COP1: variants seen among roughly 807,000 people sequenced by gnomAD.
COP1 encodes E3 ubiquitin-protein ligase COP1.
Under a neutral mutation model 101.3 loss-of-function variants are expected in COP1, and 24 were observed. The observed-to-expected ratio is 0.24, with a 90% CI of 0.17 to 0.33. COP1 has a LOEUF of 0.33. Among genes scored for constraint, COP1 ranks in the 10% least tolerant of loss-of-function variants. The pLI is 1.00. For missense variants in COP1, 663 were observed against 906.2 expected (o/e 0.73, Z 3.45); for synonymous variants, 347 against 341.9 (o/e 1.01, Z -0.17).
At chr1:176,008,029 C>A (rs562836083) in intron 15 of COP1, among the ~76,000 whole-genome samples, 1 of 152,122 alleles carries the variant, frequency 6.6e-6, no homozygotes, top group Non-Finnish European at 1.5e-5. Flanking sequence ...GAGCCAGGTG[C>A]GGGATATAAT....
intron 14 of COP1, among the ~76,000 whole-genome samples, chr1:176,031,858 C>T (rs1320742090): frequency 6.6e-6 from 1 of 152,156 alleles, no homozygotes; most frequent in East Asian, 1.9e-4. Context: ...AGTATATCAT[C>T]TAATAATCTG....
intron 1 of COP1, among the ~76,000 whole-genome samples, chr1:176,189,574 C>T (rs149253792): frequency 6.6e-6 from 1 of 151,866 alleles, no homozygotes; most frequent in Non-Finnish European, 1.5e-5. Context: ...CAGACCTGTA[C>T]TACAAGATAT....
intron 1 of COP1, among the ~76,000 whole-genome samples, chr1:176,187,900 G>C (rs937972221): frequency 6.6e-6 from 1 of 152,032 alleles, no homozygotes; most frequent in Non-Finnish European, 1.5e-5. Context: ...AACCCCCAAG[G>C]TGGTGTTAAA....
chr1:176,009,877 T>TGGGG (rs5778885), intron 15 of COP1, among the ~76,000 whole-genome samples: 5 of 103,614 alleles, frequency 4.8e-5, no homozygotes, highest in African/African-American at 1.7e-4. Context: ...TTAGGTTACT[T>TGGGG]GGGGGGGGGG....
intron 3 of COP1, among the ~76,000 whole-genome samples, chr1:176,165,842 C>G (rs12145703): frequency 0.068 from 10,321 of 152,126 alleles, 458 homozygotes; most frequent in Admixed American, 0.088. Flanking sequence ...CTGCAGATAC[C>G]TTACACAAGA....
intron 3 of COP1, chr1:176,168,834 G>A: frequency 5.4e-6 from 1 of 185,612 alleles, no homozygotes. Context: ...GAAGTCAGGA[G>A]GAAGAGGGGC....
intron 18 of COP1, among the ~76,000 whole-genome samples, chr1:175,978,637 C>G (rs1022265262): frequency 7.9e-5 from 12 of 152,148 alleles, no homozygotes; most frequent in Admixed American, 5.2e-4. Flanking sequence ...TGCTCAGAAT[C>G]TGCTTTCATT....
chr1:176,144,126 A>C (rs535906659), intron 6 of COP1, among the ~76,000 whole-genome samples: 1 of 152,302 alleles, frequency 6.6e-6, no homozygotes, highest in East Asian at 1.9e-4. Context: ...AGACAAGAAA[A>C]ATAAATAAAA....
In COP1 at chr1:176,135,019, G is replaced by A; in HGVS notation, c.959C>T (p.Pro320Leu). The change falls in exon 8 of 20, where the codon CCA (proline) becomes CTA (leucine). Residue 320 changes from proline (P) to leucine (L), a missense_variant. Pro to Leu is a moderately conservative substitution (Grantham distance 98, BLOSUM62 -3). This residue lies in a region of COP1 where 212 missense variants were observed against 240.7 expected (regional missense o/e 0.88). Coordinates refer to ENST00000367669, the MANE Select transcript of COP1 (RefSeq NM_022457.7). ...AGTGTGAAGCTTGTACCTGTGTGAT[G>A]GAGAAGGAGCTTCAAATTGAGGCAC... ...STVPQFEAPS[P>L]SHSSIIDSTE... The A allele has an allele frequency of 6.2e-7, 1 of 1,608,558 alleles. No homozygotes were observed. Among genetic ancestry groups the A allele is most frequent in the Non-Finnish European group, 8.5e-7 (1 of 1,175,472 alleles).
chr1:176,080,027 G>A (rs1678814062), intron 11 of COP1, among the ~76,000 whole-genome samples: 1 of 151,894 alleles, frequency 6.6e-6, no homozygotes, highest in Admixed American at 6.6e-5. Flanking sequence ...AAGATAACTG[G>A]AAAAATCCCA....
chr1:175,975,971 T>C (rs1654425655), intron 18 of COP1, among the ~76,000 whole-genome samples: 1 of 152,180 alleles, frequency 6.6e-6, no homozygotes, highest in Admixed American at 6.5e-5. Flanking sequence ...GAATTTGTTT[T>C]GCTATCAATG....
At chr1:176,099,315 T>G (rs981330897) in intron 9 of COP1, among the ~76,000 whole-genome samples, 5 of 152,186 alleles carry the variant, frequency 3.3e-5, no homozygotes, top group African/African-American at 7.2e-5. Flanking sequence ...TTGATGAATA[T>G]CAAGCAAAAT....
chr1:176,104,928 C>A (rs773023827), intron 9 of COP1, among the ~76,000 whole-genome samples: 1 of 152,114 alleles, frequency 6.6e-6, no homozygotes, highest in African/African-American at 2.4e-5. Flanking sequence ...AATTACAGTA[C>A]AACCACATGA....
intron 11 of COP1, among the ~76,000 whole-genome samples, chr1:176,051,901 CA>C (rs953928330): frequency 1.3e-5 from 2 of 150,686 alleles, no homozygotes; most frequent in Middle Eastern, 6.8e-3. Context: ...AGGGTTATTG[CA>C]AAAAAATCAC....
intron 15 of COP1, among the ~76,000 whole-genome samples, chr1:176,006,300 C>G (rs1475093392): frequency 6.6e-6 from 1 of 152,084 alleles, no homozygotes; most frequent in Non-Finnish European, 1.5e-5. Flanking sequence ...GACTCTTTAT[C>G]CAATTTGCCA....
chr1:176,067,238 A>C (rs1007974291), intron 11 of COP1, among the ~76,000 whole-genome samples: 5 of 152,146 alleles, frequency 3.3e-5, no homozygotes, highest in African/African-American at 1.2e-4. Context: ...GGGGCAGTGA[A>C]GTGCTGGGAG....
intron 11 of COP1, among the ~76,000 whole-genome samples, chr1:176,063,185 G>A (rs1012611674): frequency 8.9e-5 from 13 of 145,292 alleles, no homozygotes; most frequent in South Asian, 2.3e-4. Flanking sequence ...TCAGCCTCCC[G>A]AGTAGCTGGG....
intron 9 of COP1, among the ~76,000 whole-genome samples, chr1:176,097,838 C>T (rs542617311): frequency 1.4e-5 from 2 of 139,080 alleles, no homozygotes; most frequent in African/African-American, 5.6e-5. Flanking sequence ...CACTGCACTC[C>T]AGCCTGGGCA....
At chr1:176,197,293 T>C (rs544663296) in intron 1 of COP1, among the ~76,000 whole-genome samples, 1 of 152,192 alleles carries the variant, frequency 6.6e-6, no homozygotes, top group African/African-American at 2.4e-5. Context: ...CACATGCCTG[T>C]AGAGCCAGCT....
Sources: gnomAD v4.1 joint callset for allele counts (sites outside exome capture counted in the v4.1 genomes callset) on GRCh38, gnomAD v4.1.1 for gene constraint, gnomAD v4.1.1 regional missense constraint, MANE v1.5 for transcripts, NCBI Gene and HGNC (gene_info 2026-07-23, HGNC 2026-07-21) for gene names.